CYRIA: variants seen among roughly 807,000 people sequenced by gnomAD.
CYRIA encodes CYFIP-related Rac1 interactor A.
CYRIA carries 15 observed loss-of-function variants against 43.9 expected under a neutral mutation model. The observed-to-expected ratio is 0.34, with a 90% CI of 0.23 to 0.53. The LOEUF (loss-of-function observed/expected upper bound fraction) is 0.53, where lower values mean the gene tolerates loss of function less well. Among genes scored for constraint, CYRIA ranks in the 20% least tolerant of loss-of-function variants. The probability of loss-of-function intolerance (pLI) is 0.94; values close to 1 mark genes in which losing one functional copy is unlikely to be tolerated. For missense variants in CYRIA, 236 were observed against 394.2 expected (o/e 0.60, Z 3.40); for synonymous variants, 117 against 136.0 (o/e 0.86, Z 0.97).
chr2:16,641,608 A>T (rs989951135), intron 1 of CYRIA, among the ~76,000 whole-genome samples: 4 of 152,218 alleles, frequency 2.6e-5, no homozygotes, highest in Non-Finnish European at 5.9e-5. Flanking sequence ...AGGCTGTAAG[A>T]CATCTGAGGG....
intron 9 of CYRIA, among the ~76,000 whole-genome samples, 176 bp from the exon 10 acceptor site, chr2:16,559,762 A>G (rs1666664269): frequency 6.6e-6 from 1 of 152,178 alleles, no homozygotes; most frequent in African/African-American, 2.4e-5. Flanking sequence ...CCTTGAATCT[A>G]TTCAACCAGC....
At chr2:16,635,883 G>A (rs908053743) in intron 1 of CYRIA, among the ~76,000 whole-genome samples, 4 of 152,196 alleles carry the variant, frequency 2.6e-5, no homozygotes, top group African/African-American at 9.6e-5. Flanking sequence ...ACTTTTTAAA[G>A]ACAATCCTTT....
At chr2:16,557,542 G>GT (rs1472065626) in intron 10 of CYRIA, among the ~76,000 whole-genome samples, 1 of 131,266 alleles carries the variant, frequency 7.6e-6, no homozygotes, top group Non-Finnish European at 1.6e-5. Flanking sequence ...CCTATATGTC[G>GT]TAAAAAAAAA....
chr2:16,593,593 C>T (rs1668002308), intron 2 of CYRIA, among the ~76,000 whole-genome samples: 1 of 151,882 alleles, frequency 6.6e-6, no homozygotes, highest in Admixed American at 6.6e-5. Flanking sequence ...ATGCAAAATT[C>T]CCGAACATAA....
At chr2:16,647,843 A>G (rs145031578) in intron 1 of CYRIA, among the ~76,000 whole-genome samples, 47 of 152,138 alleles carry the variant, frequency 3.1e-4, no homozygotes, top group Non-Finnish European at 5.4e-4. Flanking sequence ...ACCCACTCAT[A>G]TCAAGGTGAA....
intron 2 of CYRIA, among the ~76,000 whole-genome samples, chr2:16,593,706 T>C (rs201673158): frequency 2.1e-4 from 20 of 97,020 alleles, no homozygotes; most frequent in Middle Eastern, 5.1e-3. Flanking sequence ...GTGTTTTTTT[T>C]TGTGTGTGTG....
intron 1 of CYRIA, among the ~76,000 whole-genome samples, chr2:16,635,609 C>T (rs1669472731): frequency 6.6e-6 from 1 of 152,172 alleles, no homozygotes; most frequent in African/African-American, 2.4e-5. Context: ...AAGAATCTGA[C>T]AAGTGTCTAT....
At chr2:16,644,868 C>A (rs547106058) in intron 1 of CYRIA, among the ~76,000 whole-genome samples, 7 of 152,284 alleles carry the variant, frequency 4.6e-5, no homozygotes, top group South Asian at 4.1e-4. Flanking sequence ...ACCAACCCCC[C>A]ACACACGGAG....
intron 3 of CYRIA, among the ~76,000 whole-genome samples, chr2:16,569,273 A>G (rs145003188): frequency 2.6e-5 from 4 of 152,266 alleles, no homozygotes; most frequent in Non-Finnish European, 5.9e-5. Context: ...GGTGATCTAT[A>G]AGACAGGACC....
At chr2:16,662,708 C>A (rs1436354637) in intron 1 of CYRIA, among the ~76,000 whole-genome samples, 1 of 152,176 alleles carries the variant, frequency 6.6e-6, no homozygotes, top group Admixed American at 6.5e-5. Context: ...TGTGGCTCTC[C>A]AACCATCACT....
At position 16,553,886 on chromosome 2, in the gene CYRIA, TG is replaced by T. The variant is rs200687891; in HGVS notation, c.909-888del. ...CTCAGAAGTTAAAGCCTTATTCATGTGTATAGAAAGTCATCCTGGGTGTGAA... is the reference window on the plus strand; with the variant it reads ...CTCAGAAGTTAAAGCCTTATTCATGTTATAGAAAGTCATCCTGGGTGTGAA... On this transcript the variant is annotated intron_variant, in intron 11 of 11. Transcript: ENST00000381323. Among the ~76,000 whole-genome samples the T allele has an allele frequency of 3.3e-3, 495 of 152,198 alleles. 6 individuals carry two copies. Among genetic ancestry groups the T allele is most frequent in the African/African-American group, 0.011 (471 of 41,546 alleles).
intron 2 of CYRIA, among the ~76,000 whole-genome samples, chr2:16,597,698 G>GTGTCTT (rs1668072663): frequency 2.0e-4 from 1 of 5,110 alleles, no homozygotes; most frequent in African/African-American, 1.4e-3. Context: ...TTGCCAGTCT[G>GTGTCTT]TGTCTTTTAA....
chr2:16,598,811 C>G (rs1387699342), intron 2 of CYRIA, among the ~76,000 whole-genome samples: 1 of 122,386 alleles, frequency 8.2e-6, no homozygotes, highest in African/African-American at 4.1e-5. Context: ...AGGTGCTCTG[C>G]GTTTTAGAGT....
rs1037960570 is a variant in CYRIA, at chr2:16,650,076, T to C, written c.-167+15704A>G. Among the ~76,000 whole-genome samples the C allele has an allele frequency of 5.3e-5, 8 of 152,192 alleles. No homozygotes were observed. Among genetic ancestry groups the C allele is most frequent in the Non-Finnish European group, 8.8e-5 (6 of 68,032 alleles). On this transcript the variant is annotated intron_variant, in intron 1 of 11. Coordinates refer to ENST00000381323, the MANE Select transcript of CYRIA (RefSeq NM_030797.4). This position sits in a 1 kb window ranked among gnomAD's most constrained non-coding sequence, Gnocchi z 4.1. ...CCAGGTTCCAGAATGAGAAGAAATG[T>C]ACACCAGTGCCACAGAAGCCAACCT...
chr2:16,631,388 G>A (rs1401208026), intron 1 of CYRIA, among the ~76,000 whole-genome samples: 2 of 152,226 alleles, frequency 1.3e-5, no homozygotes, highest in Non-Finnish European at 2.9e-5. Context: ...AGGTGGCAGA[G>A]ATACAGTGAG....
intron 1 of CYRIA, among the ~76,000 whole-genome samples, chr2:16,652,444 C>T (rs1246415005): frequency 1.3e-5 from 2 of 152,124 alleles, no homozygotes; most frequent in African/African-American, 4.8e-5. Context: ...CTCCCCTTGC[C>T]GTATACCCTA....
intron 1 of CYRIA, among the ~76,000 whole-genome samples, chr2:16,625,129 T>G (rs900940425): frequency 2.0e-5 from 3 of 152,154 alleles, no homozygotes; most frequent in Admixed American, 2.0e-4. Flanking sequence ...AGATTATTTT[T>G]ATTAGATTCT....
intron 1 of CYRIA, among the ~76,000 whole-genome samples, chr2:16,661,695 T>C (rs1558446831): frequency 6.6e-6 from 1 of 152,194 alleles, no homozygotes; most frequent in Non-Finnish European, 1.5e-5. Context: ...AAAATCTGCC[T>C]GCATTCTCCA....
chr2:16,654,163 A>G (rs1396007718), intron 1 of CYRIA, among the ~76,000 whole-genome samples: 1 of 152,198 alleles, frequency 6.6e-6, no homozygotes, highest in African/African-American at 2.4e-5. Flanking sequence ...GCGCTCTATA[A>G]AACTGCAGCC....
Sources: allele counts gnomAD v4.1 joint callset (sites outside exome capture counted in the v4.1 genomes callset), GRCh38; gene constraint gnomAD v4.1.1; non-coding constraint Gnocchi (gnomAD v3.1); transcripts MANE v1.5; gene names NCBI Gene and HGNC (gene_info 2026-07-23, HGNC 2026-07-21).